The following DSTYK variants were observed in gnomAD, a reference collection of about 807,000 sequenced individuals.
DSTYK encodes dual serine/threonine and tyrosine protein kinase, also known as RIP-homologous kinase.
A neutral mutation model predicts 98.7 loss-of-function variants in DSTYK; 34 were observed. That is an observed-to-expected ratio of 0.34 (90% CI 0.26 to 0.46). The LOEUF (loss-of-function observed/expected upper bound fraction) is 0.46, where lower values mean the gene tolerates loss of function less well. DSTYK is among the 20% of genes least tolerant of loss of function. The pLI, the probability that DSTYK is intolerant of heterozygous loss-of-function variation, is 1.00. For synonymous variants in DSTYK, 462 were observed against 457.3 expected, an observed-to-expected ratio of 1.01 and a Z score of -0.13; for missense variants, 962 against 1,181.7, an observed-to-expected ratio of 0.81 and a Z score of 2.73.
intron 7 of DSTYK, among the ~76,000 whole-genome samples, chr1:205,160,708 T>G (rs1657692155): frequency 6.6e-6 from 1 of 152,118 alleles, no homozygotes; most frequent in Non-Finnish European, 1.5e-5. Context: ...AAAATTCTAG[T>G]GTCATTCTAA....
At chr1:205,209,902 T>C (rs545301026) in intron 1 of DSTYK, among the ~76,000 whole-genome samples, 2 of 151,714 alleles carry the variant, frequency 1.3e-5, no homozygotes, top group East Asian at 1.9e-4. Context: ...ACTATTATTA[T>C]TATTATTATT....
In DSTYK at chr1:205,187,627, T is replaced by G; in HGVS notation, c.445A>C (p.Lys149Gln). 1 of 1,614,124 alleles carries G rather than the reference T, an allele frequency of 6.2e-7. No homozygotes were observed. Among genetic ancestry groups the G allele is most frequent in the Non-Finnish European group, 8.5e-7 (1 of 1,180,026 alleles). The change falls in exon 2 of 13, where the codon AAG (lysine) becomes CAG (glutamine). Residue 149 changes from lysine (K) to glutamine (Q), a missense_variant. By Grantham distance (53) the Lys-to-Gln change is moderately conservative. Coordinates refer to ENST00000367162, the MANE Select transcript of DSTYK (RefSeq NM_015375.3). Reference protein sequence around the residue: ...TTKLGSEESCKLRRLRFTYGT... With the variant: ...TTKLGSEESCQLRRLRFTYGT... ...TAGGTGAAGCGGAGGCGCCGAAGCTTACAGCTCTCCTCACTGCCCAGCTTG... is the reference window on the plus strand; with the variant it reads ...TAGGTGAAGCGGAGGCGCCGAAGCTGACAGCTCTCCTCACTGCCCAGCTTG...
At chr1:205,154,059 G>A in intron 10 of DSTYK, among the ~76,000 whole-genome samples, 2 of 36,648 alleles carry the variant, frequency 5.5e-5, no homozygotes, top group East Asian at 1.0e-3. Flanking sequence ...ATGCACACGT[G>A]TGTGTGTGTG....
At chr1:205,199,635 C>T (rs1210865657) in intron 1 of DSTYK, among the ~76,000 whole-genome samples, 1 of 152,162 alleles carries the variant, frequency 6.6e-6, no homozygotes, top group Non-Finnish European at 1.5e-5. Flanking sequence ...CATCCTCCCA[C>T]GGCACTCCAG....
intron 2 of DSTYK, among the ~76,000 whole-genome samples, chr1:205,184,200 C>T (rs1574783213): frequency 6.6e-6 from 1 of 151,750 alleles, no homozygotes; most frequent in Non-Finnish European, 1.5e-5. Flanking sequence ...GGGGGGATGG[C>T]TCATACTTTC....
At chr1:205,211,184 A>ATCTT (rs1659363194) in intron 1 of DSTYK, 87 bp downstream of exon 1, 1 of 1,475,134 alleles carries the variant, frequency 6.8e-7, no homozygotes, top group South Asian at 1.4e-5. Context: ...GCCCGAGAAG[A>ATCTT]CTCGGGCTTG....
intron 1 of DSTYK, among the ~76,000 whole-genome samples, chr1:205,195,743 A>C (rs1658846957): frequency 1.3e-5 from 2 of 152,250 alleles, no homozygotes; most frequent in African/African-American, 4.8e-5. Flanking sequence ...AGAAGCAGAT[A>C]GTATTGGCAC....
intron 5 of DSTYK, 139 bp downstream of exon 5, chr1:205,162,784 C>A (rs1417898972): frequency 1.5e-5 from 10 of 660,520 alleles, no homozygotes; most frequent in Non-Finnish European, 2.2e-5. Context: ...AACCAGAATT[C>A]TCCCAGGCAG....
chr1:205,169,781 C>T lies in DSTYK; in HGVS notation c.706G>A (p.Val236Ile), dbSNP rs769344388. The change falls in exon 3 of 13, where the codon GTT becomes ATT. Residue 236 changes from valine (V) to isoleucine (I), a missense_variant. By Grantham distance (29) the Val-to-Ile change is conservative (BLOSUM62 3). Coordinates refer to ENST00000367162, the MANE Select transcript of DSTYK (RefSeq NM_015375.3). The surrounding 1 kb of genome is among the most constrained non-coding windows in gnomAD (Gnocchi z 4.0). The stretch of plus-strand genomic sequence containing the variant: ...AAATCATTCACCAAGTCACCCAGAA[C>T]ATCCACTGTGGGCCGGAGGCCTTGG... ...PCQGLRPTVD[V>I]LGDLVNDFLP... 3.7e-6 allele frequency: 6 copies of T among 1,614,084 alleles called. No homozygotes were observed. The highest frequency in any genetic ancestry group is 1.6e-4 in the Middle Eastern group (1 of 6,084).
intron 1 of DSTYK, chr1:205,202,070 G>A (rs1348069874): frequency 1.9e-5 from 7 of 377,072 alleles, no homozygotes; most frequent in Non-Finnish European, 3.6e-5. Context: ...AACTCGGGAA[G>A]GGGAGAGGGG....
At chr1:205,155,512 T>C (rs1300576588) in intron 10 of DSTYK, among the ~76,000 whole-genome samples, 1 of 151,424 alleles carries the variant, frequency 6.6e-6, no homozygotes, top group Non-Finnish European at 1.5e-5. Flanking sequence ...CTACTAAAAA[T>C]ACAAAAATTA....
intron 10 of DSTYK, among the ~76,000 whole-genome samples, chr1:205,155,914 T>C (rs1430636721): frequency 6.6e-6 from 1 of 152,178 alleles, no homozygotes; most frequent in Non-Finnish European, 1.5e-5. Flanking sequence ...CCTTCGAACA[T>C]GGTGCCCTGC....
chr1:205,188,543 T>C (rs543902792), intron 1 of DSTYK, among the ~76,000 whole-genome samples: 4 of 152,310 alleles, frequency 2.6e-5, no homozygotes, highest in African/African-American at 7.2e-5. Flanking sequence ...AAACGTATGC[T>C]AAAAATACTG....
chr1:205,190,844 A>G (rs1658692420), intron 1 of DSTYK, among the ~76,000 whole-genome samples: 1 of 152,208 alleles, frequency 6.6e-6, no homozygotes, highest in Admixed American at 6.5e-5. Flanking sequence ...AAATGGTTTC[A>G]TCACAAAAAG....
intron 1 of DSTYK, among the ~76,000 whole-genome samples, chr1:205,194,784 C>T (rs1208369960): frequency 1.3e-5 from 2 of 151,408 alleles, no homozygotes; most frequent in African/African-American, 4.8e-5. Flanking sequence ...CAACCTCCAC[C>T]TCCCTGGTTC....
rs547036245 is a variant in DSTYK, at chr1:205,163,928, G to A, written c.1352C>T (p.Pro451Leu). The change falls in exon 4 of 13, where the codon CCA becomes CTA. Residue 451 changes from proline (P) to leucine (L), a missense_variant. Physicochemically the swap from Pro to Leu is moderately conservative, Grantham distance 98. This residue lies in a region of DSTYK where 660 missense variants were observed against 855.0 expected (regional missense o/e 0.77). Coordinates refer to ENST00000367162, the MANE Select transcript of DSTYK (RefSeq NM_015375.3). ...GCATTTGATCTCTCTGGTGCCTACT[G>A]GTTCTCCATTCTCAGGGACAATGAC... ...KDVIVPENGE[P>L]VGTREIKCCI... The A allele has an allele frequency of 1.9e-6, 3 of 1,614,100 alleles. No homozygotes were observed. Among genetic ancestry groups the A allele is most frequent in the Non-Finnish European group, 2.5e-6 (3 of 1,180,004 alleles).
intron 1 of DSTYK, among the ~76,000 whole-genome samples, chr1:205,210,892 C>T (rs1355090249): frequency 6.6e-6 from 1 of 152,268 alleles, no homozygotes; most frequent in East Asian, 1.9e-4. Flanking sequence ...GGCTCTGACC[C>T]ACAACGGCGC....
intron 1 of DSTYK, among the ~76,000 whole-genome samples, chr1:205,207,114 C>T (rs1180162360): frequency 6.9e-6 from 1 of 145,914 alleles, no homozygotes; most frequent in East Asian, 2.1e-4. Flanking sequence ...AGTCTTGCTG[C>T]GACACCCAGG....
At chr1:205,205,484 C>T (rs193031664) in intron 1 of DSTYK, among the ~76,000 whole-genome samples, 8 of 152,050 alleles carry the variant, frequency 5.3e-5, no homozygotes, top group Non-Finnish European at 7.4e-5. Context: ...CTCACTCTAT[C>T]ACCCAAGCTG....
Sources: allele counts gnomAD v4.1 joint callset (sites outside exome capture counted in the v4.1 genomes callset), GRCh38; gene constraint gnomAD v4.1.1; regional missense constraint gnomAD v4.1.1; non-coding constraint Gnocchi (gnomAD v3.1); transcripts MANE v1.5; gene names NCBI Gene and HGNC (gene_info 2026-07-23, HGNC 2026-07-21).